The following ATP8B1 variants were observed in gnomAD, a reference collection of about 807,000 sequenced individuals.
ATP8B1 encodes phospholipid-transporting ATPase IC.
In ATP8B1, 80 loss-of-function variants were observed where a neutral mutation model predicts 149.9. The observed-to-expected ratio is 0.53, with a 90% CI of 0.45 to 0.64. The LOEUF is 0.64. ATP8B1 is among the 30% of genes least tolerant of loss of function. The probability of loss-of-function intolerance (pLI) is 0.00; values close to 1 mark genes in which losing one functional copy is unlikely to be tolerated. For missense variants in ATP8B1, 1,247 were observed against 1,552.6 expected, an observed-to-expected ratio of 0.80 and a Z score of 3.31; for synonymous variants, 536 against 562.8, an observed-to-expected ratio of 0.95 and a Z score of 0.67.
chr18:57,717,547 CAAAAAAAAAAAAAAAAAAAAAAAAAAAA>C (rs1163024544), intron 2 of ATP8B1, among the ~76,000 whole-genome samples: 313 of 19,930 alleles, frequency 0.016, 8 homozygotes, highest in Non-Finnish European at 0.022. Context: ...GACTCTGTCT[CAAAAAAAAAAAAAAAAAAAAAAAAAAAA>C]AAAAAAAAAA....
chr18:57,713,442 A>G (rs1005388557), intron 2 of ATP8B1, among the ~76,000 whole-genome samples: 4 of 149,640 alleles, frequency 2.7e-5, no homozygotes, highest in Non-Finnish European at 4.4e-5. Context: ...GATTACAGGC[A>G]TGTACCACCA....
chr18:57,744,088 G>C (rs1249845129), intron 1 of ATP8B1, among the ~76,000 whole-genome samples: 1 of 152,130 alleles, frequency 6.6e-6, no homozygotes, highest in Non-Finnish European at 1.5e-5. Flanking sequence ...GCCAAGGTGG[G>C]CTGACTGCCT....
intron 2 of ATP8B1, among the ~76,000 whole-genome samples, chr18:57,721,762 AG>A (rs1281976128): frequency 3.1e-5 from 3 of 95,466 alleles, no homozygotes; most frequent in Non-Finnish European, 6.2e-5. Context: ...AGACATCTAC[AG>A]AACTCTCCAC....
At chr18:57,751,714 G>T (rs1375813068) in intron 1 of ATP8B1, among the ~76,000 whole-genome samples, 1 of 152,088 alleles carries the variant, frequency 6.6e-6, no homozygotes, top group African/African-American at 2.4e-5. Context: ...CCCATTGCAG[G>T]CCCCACCCTA....
chr18:57,741,256 T>C (rs1032334445), intron 1 of ATP8B1, among the ~76,000 whole-genome samples: 2 of 152,122 alleles, frequency 1.3e-5, no homozygotes, highest in African/African-American at 4.8e-5. Context: ...TTCTAACCAA[T>C]AGAATATGGC....
At chr18:57,660,692 T>A (rs2122635620) in intron 22 of ATP8B1, among the ~76,000 whole-genome samples, 1 of 152,238 alleles carries the variant, frequency 6.6e-6, no homozygotes, top group Non-Finnish European at 1.5e-5. Context: ...CTAATTTTTG[T>A]ATTTTTAATA....
At chr18:57,761,508 C>T (rs2080158174) in intron 1 of ATP8B1, among the ~76,000 whole-genome samples, 1 of 152,124 alleles carries the variant, frequency 6.6e-6, no homozygotes, top group Non-Finnish European at 1.5e-5. Context: ...GTGCTTTTAA[C>T]AGCAATAGTT....
intron 1 of ATP8B1, among the ~76,000 whole-genome samples, chr18:57,760,232 A>T (rs970560311): frequency 6.6e-6 from 1 of 152,226 alleles, no homozygotes; most frequent in Non-Finnish European, 1.5e-5. Flanking sequence ...CCAAAGATGA[A>T]TTCAGTACAA....
At chr18:57,701,794 C>G (rs1913140124) in intron 4 of ATP8B1, among the ~76,000 whole-genome samples, 1 of 151,868 alleles carries the variant, frequency 6.6e-6, no homozygotes, top group Admixed American at 6.6e-5. Context: ...CTCCCAGGCT[C>G]AAGCGATTCT....
intron 2 of ATP8B1, among the ~76,000 whole-genome samples, chr18:57,720,929 G>C (rs2079639122): frequency 6.7e-6 from 1 of 150,034 alleles, no homozygotes; most frequent in Non-Finnish European, 1.5e-5. Flanking sequence ...AGAAGAGAGT[G>C]GGGGCCAGTA....
intron 24 of ATP8B1, among the ~76,000 whole-genome samples, chr18:57,653,031 T>TGCAAA (rs1909730922): frequency 6.6e-6 from 1 of 152,172 alleles, no homozygotes; most frequent in Admixed American, 6.5e-5. Flanking sequence ...GCTACTGTTT[T>TGCAAA]TACCTCCTGA....
intron 1 of ATP8B1, among the ~76,000 whole-genome samples, chr18:57,748,254 C>T (rs1480873988): frequency 1.3e-5 from 2 of 152,112 alleles, no homozygotes; most frequent in African/African-American, 2.4e-5. Flanking sequence ...AATTATTATC[C>T]CCATTCTACA....
chr18:57,671,414 G>C (rs546173023), intron 17 of ATP8B1, 54 bp downstream of exon 17: 2 of 1,391,966 alleles, frequency 1.4e-6, no homozygotes, highest in South Asian at 2.3e-5. Flanking sequence ...TTAACAGACA[G>C]CATCAGAGAG....
chr18:57,680,804 T>C (rs563847988), intron 15 of ATP8B1, among the ~76,000 whole-genome samples: 1 of 152,148 alleles, frequency 6.6e-6, no homozygotes, highest in South Asian at 2.1e-4. Context: ...GCCTACCTGC[T>C]CCAGACTCTC....
chr18:57,655,482 T>A, intron 22 of ATP8B1, 65 bp from the exon 23 acceptor site: 1 of 1,447,930 alleles, frequency 6.9e-7, no homozygotes, highest in Non-Finnish European at 9.7e-7. Flanking sequence ...CATCAGTTGA[T>A]AAAAATGGTT....
intron 22 of ATP8B1, chr18:57,659,855 G>A (rs187892193): frequency 6.6e-6 from 1 of 152,258 alleles, no homozygotes; most frequent in Non-Finnish European, 1.5e-5. Flanking sequence ...TCACAAAATA[G>A]ACTGAAAAGT....
At chr18:57,754,738 G>A (rs2080061609) in intron 1 of ATP8B1, among the ~76,000 whole-genome samples, 1 of 152,102 alleles carries the variant, frequency 6.6e-6, no homozygotes, top group South Asian at 2.1e-4. Flanking sequence ...ATTTACTTTC[G>A]TGTGTTGAAT....
At chr18:57,765,173 A>G (rs545064843) in intron 1 of ATP8B1, among the ~76,000 whole-genome samples, 1 of 152,346 alleles carries the variant, frequency 6.6e-6, no homozygotes, top group African/African-American at 2.4e-5. Context: ...AGAAGGACAC[A>G]TGATGTATGA....
intron 1 of ATP8B1, among the ~76,000 whole-genome samples, chr18:57,760,747 T>C (rs1048855840): frequency 6.6e-6 from 1 of 152,116 alleles, no homozygotes; most frequent in African/African-American, 2.4e-5. Context: ...TCCCAGCACC[T>C]TGGGAGGCCG....
Sources: gnomAD v4.1 joint callset for allele counts (sites outside exome capture counted in the v4.1 genomes callset) on GRCh38, gnomAD v4.1.1 for gene constraint, MANE v1.5 for transcripts, NCBI Gene and HGNC (gene_info 2026-07-23, HGNC 2026-07-21) for gene names.